LAMA5: variants seen among roughly 807,000 people sequenced by gnomAD.
LAMA5 encodes laminin subunit alpha 5, also known as laminin subunit alpha-5.
Under a neutral mutation model 433.4 loss-of-function variants are expected in LAMA5, and 260 were observed. The observed-to-expected ratio is 0.60, with a 90% CI of 0.54 to 0.66. The LOEUF is 0.66. LAMA5 is among the 30% of genes least tolerant of loss of function. LAMA5 has a pLI of 0.00. For missense variants in LAMA5, 5,378 were observed against 5,258.5 expected, an observed-to-expected ratio of 1.02 and a Z score of -0.70; for synonymous variants, 2,620 against 2,226.6, an observed-to-expected ratio of 1.18 and a Z score of -4.97.
intron 1 of LAMA5, among the ~76,000 whole-genome samples, chr20:62,365,874 T>A (rs565895406): frequency 6.6e-6 from 1 of 152,194 alleles, no homozygotes; most frequent in African/African-American, 2.4e-5. Flanking sequence ...GGGAGGCTCC[T>A]TCCCCCTCCA....
intron 45 of LAMA5, 62 bp from the exon 46 acceptor site, chr20:62,322,820 C>G (rs945703938): frequency 8.8e-7 from 1 of 1,130,534 alleles, no homozygotes; most frequent in African/African-American, 1.6e-5. Context: ...AGCCCCTAGG[C>G]ACCCTCCTAA....
At chr20:62,317,095 G>T in intron 55 of LAMA5, 72 bp from the exon 56 acceptor site, 3 of 1,453,072 alleles carry the variant, frequency 2.1e-6, no homozygotes, top group Non-Finnish European at 9.1e-7. Flanking sequence ...AGCCTCCTGC[G>T]CTCACAACCA....
chr20:62,333,802 C>G, intron 23 of LAMA5, 96 bp from the exon 24 acceptor site: 8 of 1,344,712 alleles, frequency 5.9e-6, no homozygotes, highest in Non-Finnish European at 6.9e-6. Context: ...GTCCTACCAC[C>G]CACATGAGCC....
Position 62,327,957 on chromosome 20 carries a change from T to C in LAMA5, c.4706A>G (p.His1569Arg), listed in dbSNP as rs1043744064. The C allele has an allele frequency of 8.1e-6, 13 of 1,612,312 alleles. No individual in the cohort carries two copies. Among genetic ancestry groups the C allele is most frequent in the African/African-American group, 1.3e-5 (1 of 74,878 alleles). ...RRCDTCSPGF[H>R]GYPRCRPCDC... ...ACAGGGGCGGCAGCGGGGGTAGCCA[T>C]GGAAGCCCGGAGAGCAGGTATCACA... The change falls in exon 36 of 80, where the codon CAT becomes CGT. Residue 1569 changes from histidine (H) to arginine (R), a missense_variant. By Grantham distance (29) the His-to-Arg change is conservative. Coordinates refer to ENST00000252999, the MANE Select transcript of LAMA5 (RefSeq NM_005560.6).
At chr20:62,357,457 C>A (rs376936174) in intron 2 of LAMA5, among the ~76,000 whole-genome samples, 5 of 152,150 alleles carry the variant, frequency 3.3e-5, no homozygotes, top group Non-Finnish European at 7.4e-5. Flanking sequence ...TGCCTCCCCT[C>A]GAAGAGACCC....
At chr20:62,357,189 C>T (rs894304980) in intron 2 of LAMA5, among the ~76,000 whole-genome samples, 6 of 152,192 alleles carry the variant, frequency 3.9e-5, no homozygotes, top group African/African-American at 9.7e-5. Context: ...AGACCAGGGC[C>T]AGGTCCAGGT....
At position 62,337,457 on chromosome 20, in the gene LAMA5, G is replaced by A. The variant is rs984888350; in HGVS notation, c.2164+133C>T. 5.9e-5 allele frequency: 73 copies of A among 1,228,728 alleles called. No individual in the cohort carries two copies. In the East Asian group the frequency reaches 1.8e-3, roughly 30 times the overall value. 76.1% of individuals were successfully genotyped at this position (1,228,728 alleles called of 1,614,324 possible). A position where few individuals can be genotyped will look rare whatever the true frequency, so the allele number is the denominator to read the frequency against. On this transcript the variant is annotated intron_variant, in intron 16 of 79. Coordinates refer to ENST00000252999, the MANE Select transcript of LAMA5 (RefSeq NM_005560.6). ...CATGTGAACAAGGTGCGAACACAGA[G>A]CGTGGGGACGCAGTCGCAGTACACA...
rs1203836818 is a variant in LAMA5, at chr20:62,335,010, T to A, written c.2482+11A>T. Reference sequence around the variant, plus strand: ...AGGGCTGTGGTCTGGGACGAGCGAGTGGGCACTCACTGCGGCAGCCAAAAT... The same window carrying A: ...AGGGCTGTGGTCTGGGACGAGCGAGAGGGCACTCACTGCGGCAGCCAAAAT... On this transcript the variant is annotated intron_variant, in intron 20 of 79. Transcript: ENST00000252999. The A allele has an allele frequency of 1.2e-6, 2 of 1,610,454 alleles. No individual in the cohort carries two copies. The highest frequency in any genetic ancestry group is 1.7e-4 in the Middle Eastern group (1 of 6,058).
At position 62,313,656 on chromosome 20, in the gene LAMA5, G is replaced by T. The variant is rs755858265; in HGVS notation, c.8651C>A (p.Thr2884Asn). Reference sequence around the variant, plus strand: ...CAGGCCGGGCGGGCTCACCGTGAAGGTACTGGGGTACCCCCCGACGTAGAA... The same window carrying T: ...CAGGCCGGGCGGGCTCACCGTGAAGTTACTGGGGTACCCCCCGACGTAGAA... ...FVFYVGGYPS[T>N]FTPPPLLRFP... Residue 2884 changes from threonine to asparagine, a missense_variant, in exon 63 of 80, where the codon ACC becomes AAC. Physicochemically the swap from Thr to Asn is moderately conservative, Grantham distance 65 (BLOSUM62 0). Coordinates refer to ENST00000252999, the MANE Select transcript of LAMA5 (RefSeq NM_005560.6). The T allele has an allele frequency of 4.3e-5, 69 of 1,612,580 alleles. No homozygotes were observed. The highest frequency in any genetic ancestry group is 5.6e-5 in the Non-Finnish European group (66 of 1,179,944).
At chr20:62,330,456 T>C in intron 31 of LAMA5, 32 bp downstream of exon 31, 1 of 1,507,558 alleles carries the variant, frequency 6.6e-7, no homozygotes, top group South Asian at 1.3e-5. Flanking sequence ...TCGTGTGTGG[T>C]AGCCTCTCCA....
At position 62,318,643 on chromosome 20, in the gene LAMA5, G is replaced by A. The variant is rs1339841272; in HGVS notation, c.7050C>T (p.Ala2350=). 12 of 1,609,884 alleles carry A rather than the reference G, an allele frequency of 7.5e-6. No individual in the cohort carries two copies. The highest frequency in any genetic ancestry group is 3.3e-5 in the Admixed American group (2 of 59,850). Residue 2350 remains alanine, a synonymous_variant, in exon 53 of 80, where the codon GCC becomes GCT. Coordinates refer to ENST00000252999, the MANE Select transcript of LAMA5 (RefSeq NM_005560.6). ...GGCTGCTCAGCTGCTCCTGCACCCG[G>A]GCCAGCACTAGCCGAGACCAGGGTG... The part of the protein sequence containing the change: ...AELAAAQRLL[A]RVQEQLSSLW...
rs1255583243 is a variant in LAMA5, at chr20:62,328,273, G to A, written c.4620C>T (p.Asp1540=). ...GGCCGCTGTCTGTGTCACAGGTAGG[G>A]TCTGTGAGCTCCTGGATGCCGGGCC... ...CSGPGIQELT[D]PTCDTDSGQC... is the part of the protein sequence containing the mutation. Residue 1540 remains aspartate (D), a synonymous_variant, in exon 35 of 80, where the codon GAC becomes GAT. Transcript: ENST00000252999. 1.9e-6 allele frequency: 3 copies of A among 1,608,444 alleles called. No homozygotes were observed. The East Asian group carries it at 6.7e-5, about 36-fold the overall frequency.
In LAMA5 at chr20:62,322,000, T is replaced by TG; in HGVS notation, c.6496+18dup. ...TCCTACTCCATCAGGTGTGGGGAAG[T>TG]GGGGTGTTGAGGACACACCTTCACA... On this transcript the variant is annotated intron_variant, in intron 48 of 79. Coordinates refer to ENST00000252999, the MANE Select transcript of LAMA5 (RefSeq NM_005560.6). 2 of 1,594,234 alleles carry TG rather than the reference T, an allele frequency of 1.3e-6. No homozygotes were observed. Among genetic ancestry groups the TG allele is most frequent in the Non-Finnish European group, 1.7e-6 (2 of 1,176,338 alleles).
In LAMA5 at chr20:62,332,617, A is replaced by G; in HGVS notation, c.3383T>C (p.Val1128Ala). The G allele has an allele frequency of 6.2e-7, 1 of 1,605,002 alleles. No homozygotes were observed. Among genetic ancestry groups the G allele is most frequent in the Admixed American group, 1.7e-5 (1 of 58,644 alleles). Residue 1128 changes from valine (V) to alanine (A), a missense_variant, in exon 27 of 80, where the codon GTG (valine) becomes GCG (alanine). Physicochemically the swap from Val to Ala is moderately conservative, Grantham distance 64. Coordinates refer to ENST00000252999, the MANE Select transcript of LAMA5 (RefSeq NM_005560.6). ...CTGGGGGGCCCGCTGTGGGGTGTGC[A>G]CGGCCACGCCCACCTCCTGGCGGGC... ...EDARQEVGVA[V>A]HTPQRAPQQG...
chr20:62,344,036 C>T (rs998789382), intron 11 of LAMA5, among the ~76,000 whole-genome samples: 4 of 149,846 alleles, frequency 2.7e-5, no homozygotes, highest in Non-Finnish European at 4.4e-5. Context: ...CCCAGCTACT[C>T]GGTAGACTGA....
intron 11 of LAMA5, among the ~76,000 whole-genome samples, chr20:62,339,713 C>T (rs1982284923): frequency 6.8e-6 from 1 of 146,436 alleles, no homozygotes; most frequent in African/African-American, 2.5e-5. Flanking sequence ...GCTTGCAAAC[C>T]CTCCCCAGAG....
chr20:62,315,246 G>T, intron 58 of LAMA5, 39 bp from the exon 59 acceptor site: 1 of 1,541,562 alleles, frequency 6.5e-7, no homozygotes, highest in East Asian at 2.3e-5. Context: ...GGGGCCAGCG[G>T]GGACCATCCT....
At chr20:62,313,063 G>A (rs754845034) in intron 65 of LAMA5, 25 bp downstream of exon 65, 21 of 1,605,384 alleles carry the variant, frequency 1.3e-5, no homozygotes, top group Admixed American at 1.7e-5. Context: ...AAGTGGGGAT[G>A]GCAGGACGGG....
intron 2 of LAMA5, 44 bp downstream of exon 2, chr20:62,362,356 A>G: frequency 1.4e-6 from 2 of 1,425,644 alleles, no homozygotes; most frequent in Non-Finnish European, 9.3e-7. Flanking sequence ...CGACGGGCAC[A>G]GACACAGAGA....
Sources: gnomAD v4.1 joint callset for allele counts (sites outside exome capture counted in the v4.1 genomes callset) on GRCh38, gnomAD v4.1.1 for gene constraint, MANE v1.5 for transcripts, NCBI Gene and HGNC (gene_info 2026-07-23, HGNC 2026-07-21) for gene names.